Variants in ASIP observed in about 807,000 individuals in gnomAD.
ASIP encodes agouti-signaling protein.
In ASIP, 11 loss-of-function variants were observed where a neutral mutation model predicts 10.3. The ratio of observed to expected loss-of-function variants is 1.07; its 90% CI spans 0.68 to 1.78. The LOEUF is 1.78. Ranked by LOEUF, ASIP falls within the 40% of genes most tolerant of loss-of-function variation. The pLI, the probability that ASIP is intolerant of heterozygous loss-of-function variation, is 0.00. For missense variants in ASIP, 180 were observed against 169.2 expected, an observed-to-expected ratio of 1.06 and a Z score of -0.35; for synonymous variants, 70 against 70.8, an observed-to-expected ratio of 0.99 and a Z score of 0.06.
At chr20:34,235,844 G>GAAAGAAAGAAAGAAA (rs1568756042) in intron 1 of ASIP, among the ~76,000 whole-genome samples, 16 of 26,022 alleles carry the variant, frequency 6.1e-4, no homozygotes, top group South Asian at 2.0e-3. Context: ...AAAGAAAGAA[G>GAAAGAAAGAAAGAAA]GAAGGAAGGA....
intron 1 of ASIP, among the ~76,000 whole-genome samples, chr20:34,257,569 A>G (rs969067995): frequency 6.6e-6 from 1 of 152,194 alleles, no homozygotes; most frequent in Non-Finnish European, 1.5e-5. Context: ...TAACTAAAAT[A>G]TTATCTAGTT....
intron 1 of ASIP, among the ~76,000 whole-genome samples, chr20:34,247,901 A>G (rs2035406952): frequency 6.6e-6 from 1 of 151,756 alleles, no homozygotes; most frequent in Non-Finnish European, 1.5e-5. Flanking sequence ...CCTGTCTTGT[A>G]TGACTTTTAA....
At chr20:34,235,301 GAGGTGGC>G (rs912093221) in intron 1 of ASIP, among the ~76,000 whole-genome samples, 5 of 152,154 alleles carry the variant, frequency 3.3e-5, no homozygotes, top group Admixed American at 1.3e-4. Flanking sequence ...TTAGCCAGGC[GAGGTGGC>G]AGGCACCTGT....
At chr20:34,220,335 G>A (rs1386816502) in intron 1 of ASIP, among the ~76,000 whole-genome samples, 5 of 152,150 alleles carry the variant, frequency 3.3e-5, no homozygotes, top group African/African-American at 1.2e-4. Context: ...AGTGGCTCAC[G>A]CCTGTAATCC....
chr20:34,215,632 C>T (rs1256533511), intron 1 of ASIP: 18 of 1,482,008 alleles, frequency 1.2e-5, no homozygotes, highest in Admixed American at 1.7e-5. Context: ...TCTGAGCTTG[C>T]AGCCATGATA....
intron 1 of ASIP, among the ~76,000 whole-genome samples, chr20:34,201,017 C>CTTTCTTTCT (rs2034892333): frequency 2.0e-4 from 13 of 63,482 alleles, no homozygotes; most frequent in South Asian, 1.0e-3. Flanking sequence ...TCCTTCCTTC[C>CTTTCTTTCT]TTCTTTCTTT....
At chr20:34,266,077 G>A (rs906718425) in intron 3 of ASIP, among the ~76,000 whole-genome samples, 13 of 152,214 alleles carry the variant, frequency 8.5e-5, no homozygotes, top group African/African-American at 3.1e-4. Context: ...ATAATGGCCA[G>A]GCACGGTGGC....
At chr20:34,240,642 T>C (rs905446376), upstream of ASIP, among the ~76,000 whole-genome samples, 1 of 152,192 alleles carries the variant, frequency 6.6e-6, no homozygotes, top group Non-Finnish European at 1.5e-5. Flanking sequence ...CTCCACCAAC[T>C]ACTCCTTAAC....
chr20:34,264,822 G>T (rs1365971522), intron 3 of ASIP, among the ~76,000 whole-genome samples: 2 of 142,200 alleles, frequency 1.4e-5, no homozygotes, highest in East Asian at 2.0e-4. Flanking sequence ...TAGAAATGGG[G>T]TGTCACTCTG....
At chr20:34,246,211 T>C (rs2035372291) in intron 1 of ASIP, 1 of 1,450,478 alleles carries the variant, frequency 6.9e-7, no homozygotes, top group Non-Finnish European at 9.4e-7. Flanking sequence ...GCTTTTGTGG[T>C]ATGGTCTTCT....
At chr20:34,215,686 T>C (rs2035003487) in intron 1 of ASIP, 3 of 1,447,060 alleles carry the variant, frequency 2.1e-6, no homozygotes, top group Middle Eastern at 1.8e-4. Flanking sequence ...TGGTTAGTTC[T>C]GAATATTTGT....
Position 34,269,272 on chromosome 20 carries a change from G to C in ASIP, c.*105G>C, listed in dbSNP as rs1398570333. 3.7e-6 allele frequency: 5 copies of C among 1,345,088 alleles called. No individual in the cohort carries two copies. The African/African-American group carries it at 7.8e-5, about 21-fold the overall frequency. 83.3% of individuals were successfully genotyped at this position (1,345,088 alleles called of 1,614,324 possible). A position where few individuals can be genotyped will look rare whatever the true frequency, so the allele number is the denominator to read the frequency against. On this transcript the variant is annotated 3_prime_UTR_variant, in exon 4 of 4. Coordinates refer to ENST00000374954, the MANE Select transcript of ASIP (RefSeq NM_001672.3). ...GGCTTCCCAGGGCTGCAGGCGGGCG[G>C]AGGTTCCAGGAGATGGGACTTCAGG...
intron 1 of ASIP, among the ~76,000 whole-genome samples, chr20:34,206,566 T>G: frequency 6.6e-6 from 1 of 152,266 alleles, no homozygotes; most frequent in Middle Eastern, 3.4e-3. Context: ...CATATACCAC[T>G]TTTTTGTTTT....
intron 3 of ASIP, among the ~76,000 whole-genome samples, chr20:34,268,332 C>A (rs1275442990): frequency 6.6e-6 from 1 of 152,108 alleles, no homozygotes; most frequent in African/African-American, 2.4e-5. Flanking sequence ...CGGTGCACAG[C>A]GGGGCAGCGA....
intron 1 of ASIP, among the ~76,000 whole-genome samples, chr20:34,233,143 CTTTTTTT>C (rs755217642): frequency 4.0e-5 from 4 of 100,316 alleles, no homozygotes; most frequent in Non-Finnish European, 7.5e-5. Context: ...GGGACAAGAG[CTTTTTTT>C]TTTTTTTTTT....
At chr20:34,242,536 C>A (rs1315828134) in intron 1 of ASIP, among the ~76,000 whole-genome samples, 2 of 152,198 alleles carry the variant, frequency 1.3e-5, no homozygotes, top group African/African-American at 4.8e-5. Context: ...CCCAGCCAGT[C>A]ATTTTGGGTT....
intron 1 of ASIP, among the ~76,000 whole-genome samples, chr20:34,206,068 C>T (rs1052192719): frequency 4.6e-5 from 7 of 152,182 alleles, no homozygotes; most frequent in Non-Finnish European, 1.0e-4. Context: ...TCTCACCTCA[C>T]TGCAACCTCT....
chr20:34,238,958 G>T (rs2035246829), upstream of ASIP, among the ~76,000 whole-genome samples: 1 of 152,118 alleles, frequency 6.6e-6, no homozygotes, highest in Non-Finnish European at 1.5e-5. Flanking sequence ...TACAGATTCT[G>T]CCAGTACAAG....
intron 1 of ASIP, chr20:34,214,350 G>C: frequency 7.6e-7 from 1 of 1,313,928 alleles, no homozygotes; most frequent in Non-Finnish European, 1.1e-6. Flanking sequence ...TCTAACAACA[G>C]TTTCGAAGAA....
Sources: gnomAD v4.1 joint callset for allele counts (sites outside exome capture counted in the v4.1 genomes callset) on GRCh38, gnomAD v4.1.1 for gene constraint, MANE v1.5 for transcripts, NCBI Gene and HGNC (gene_info 2026-07-23, HGNC 2026-07-21) for gene names.